DNAH14: variants seen among roughly 807,000 people sequenced by gnomAD.
DNAH14 encodes the protein axonemal beta dynein heavy chain 14.
DNAH14 carries 478 observed loss-of-function variants against 520.9 expected under a neutral mutation model. The ratio of observed to expected loss-of-function variants is 0.92; its 90% confidence interval spans 0.85 to 0.99. The LOEUF (loss-of-function observed/expected upper bound fraction) is 0.99, where lower values mean the gene tolerates loss of function less well. DNAH14 is among the 50% of genes least tolerant of loss of function. The probability of loss-of-function intolerance (pLI) is 0.00; values close to 1 mark genes in which losing one functional copy is unlikely to be tolerated. For synonymous variants in DNAH14, 1,581 were observed against 1,757.2 expected, an observed-to-expected ratio of 0.90 and a Z score of 2.51; for missense variants, 4,831 against 5,234.5, an observed-to-expected ratio of 0.92 and a Z score of 2.38.
intron 11 of DNAH14, among the ~76,000 whole-genome samples, chr1:225,029,581 G>C (rs1177042755): frequency 6.6e-6 from 1 of 151,950 alleles, no homozygotes; most frequent in Non-Finnish European, 1.5e-5. Context: ...GGAAGGGAGA[G>C]ATATTAATCT....
At chr1:225,053,659 C>T (rs1328858604) in intron 17 of DNAH14, among the ~76,000 whole-genome samples, 1 of 152,030 alleles carries the variant, frequency 6.6e-6, no homozygotes, top group African/African-American at 2.4e-5. Context: ...CATGAATCAA[C>T]AGGATATGGC....
chr1:225,024,052 A>G (rs1171957198), intron 11 of DNAH14, 187 bp downstream of exon 11: 3 of 1,243,028 alleles, frequency 2.4e-6, no homozygotes, highest in East Asian at 3.2e-5. Flanking sequence ...TATCGGTGCT[A>G]TAGGATGCGC....
At chr1:225,021,321 G>C (rs2501116) in intron 10 of DNAH14, among the ~76,000 whole-genome samples, 1 of 152,200 alleles carries the variant, frequency 6.6e-6, no homozygotes, top group Non-Finnish European at 1.5e-5. Context: ...AGAGAGAGAA[G>C]CATAAGGCAT....
intron 28 of DNAH14, 136 bp from the exon 29 acceptor site, chr1:225,144,261 T>C: frequency 1.5e-6 from 1 of 684,828 alleles, no homozygotes; most frequent in Non-Finnish European, 2.4e-6. Flanking sequence ...ACACTTCTCA[T>C]TTGATTTTAA....
chr1:225,263,652 G>C (rs535751566), intron 46 of DNAH14, among the ~76,000 whole-genome samples: 2 of 151,604 alleles, frequency 1.3e-5, no homozygotes, highest in Non-Finnish European at 2.9e-5. Flanking sequence ...ACTTAAATAA[G>C]GCCTTAAACA....
chr1:224,951,302 A>G (rs2060155611), intron 1 of DNAH14, among the ~76,000 whole-genome samples: 1 of 152,226 alleles, frequency 6.6e-6, no homozygotes, highest in Non-Finnish European at 1.5e-5. Flanking sequence ...CTGGGATTAC[A>G]GACGTGAGCT....
intron 27 of DNAH14, among the ~76,000 whole-genome samples, chr1:225,131,135 T>C (rs967960423): frequency 2.6e-5 from 4 of 152,184 alleles, no homozygotes; most frequent in African/African-American, 7.2e-5. Flanking sequence ...TTGAAAATCT[T>C]TATAATTTTG....
chr1:225,007,612 G>A, intron 10 of DNAH14, 68 bp downstream of exon 10: 1 of 1,290,044 alleles, frequency 7.8e-7, no homozygotes, highest in Non-Finnish European at 1.0e-6. Flanking sequence ...GATCCAAATT[G>A]CATCCCTGGA....
Position 225,399,215 on chromosome 1 carries a change from T to C in DNAH14, c.13800T>C (p.Pro4600=). The C allele has an allele frequency of 6.4e-7, 1 of 1,551,718 alleles. No individual in the cohort carries two copies. The highest frequency in any genetic ancestry group is 2.4e-5 in the East Asian group (1 of 40,918). The change falls in exon 86 of 86, where the codon CCT becomes CCC. Residue 4600 remains proline (P), a synonymous_variant. Transcript: ENST00000682510. ...TSVYLSTKKP[P]SHWITMRVAL... ...TGTATTTATCAACGAAGAAACCTCC[T>C]AGTCACTGGATCACAATGCGGGTTG... is the stretch of plus-strand genomic sequence containing the variant.
Position 225,148,396 on chromosome 1 carries a change from C to CTTT in DNAH14, c.4940+1168_4940+1170dup, listed in dbSNP as rs560233312. Reference sequence around the variant, plus strand: ...TTCTCTAATGATCAGTAATGTTGAGCTTTTTTTTTTTTTTTTTTTTTTTGA... The same window carrying CTTT: ...TTCTCTAATGATCAGTAATGTTGAGCTTTTTTTTTTTTTTTTTTTTTTTTTTGA... On this transcript the variant is annotated intron_variant, in intron 31 of 85. Transcript: ENST00000682510. 1.4e-3 allele frequency among the ~76,000 whole-genome samples: 134 copies of CTTT among 96,620 alleles called. 1 individual carries two copies. The highest frequency in any genetic ancestry group is 1.9e-3 in the Non-Finnish European group (100 of 53,568). 63.4% of individuals were successfully genotyped at this position (96,620 alleles called of 152,430 possible).
intron 42 of DNAH14, 70 bp downstream of exon 42, chr1:225,231,221 A>T (rs930402020): frequency 3.3e-5 from 32 of 969,948 alleles, no homozygotes; most frequent in African/African-American, 6.8e-5. Flanking sequence ...TATGCACAGG[A>T]TTACTTCTCA....
At chr1:225,141,618 A>G (rs1489382517) in intron 28 of DNAH14, among the ~76,000 whole-genome samples, 2 of 151,904 alleles carry the variant, frequency 1.3e-5, no homozygotes, top group Non-Finnish European at 2.9e-5. Flanking sequence ...TCCTGACCTG[A>G]TTAGGCCCTT....
chr1:225,322,545 A>C (rs1190056281), intron 61 of DNAH14, 119 bp from the exon 62 acceptor site: 2 of 1,002,232 alleles, frequency 2.0e-6, no homozygotes, highest in Non-Finnish European at 1.4e-6. Flanking sequence ...TATGTTGACA[A>C]ATAGTTTTCC....
chr1:225,082,184 G>GTGTGTGTGTGTC lies in DNAH14; in HGVS notation c.3137-354_3137-353insCTGTGTGTGTGT, dbSNP rs2073211588. Among the ~76,000 whole-genome samples the GTGTGTGTGTGTC allele has an allele frequency of 2.0e-5, 3 of 151,752 alleles. No homozygotes were observed. The South Asian group carries it at 6.3e-4, about 32-fold the overall frequency. On this transcript the variant is annotated intron_variant, in intron 19 of 85. Transcript: ENST00000682510. ...CTGAATGTTTGTGGTGTGTGTGTGTGTGTGTGTGTGTGTGCACATGCGCAT... is the reference window on the plus strand; with the variant it reads ...CTGAATGTTTGTGGTGTGTGTGTGTGTGTGTGTGTGTCTGTGTGTGTGTGTGCACATGCGCAT...
intron 41 of DNAH14, 125 bp downstream of exon 41, chr1:225,207,345 AGCAGATAT>A: frequency 1.1e-6 from 1 of 942,716 alleles, no homozygotes. Context: ...TTGGACCAAC[AGCAGATAT>A]GCACATGGAA....
chr1:225,162,317 T>C (rs571087872), intron 35 of DNAH14, among the ~76,000 whole-genome samples: 38 of 152,316 alleles, frequency 2.5e-4, no homozygotes, highest in Non-Finnish European at 4.0e-4. Context: ...TATTTGTTTC[T>C]GGGTTTTCTG....
At chr1:225,259,374 AGAG>A in intron 46 of DNAH14, 121 bp downstream of exon 46, 1 of 694,762 alleles carries the variant, frequency 1.4e-6, no homozygotes, top group Non-Finnish European at 2.1e-6. Context: ...ATCATTCAAA[AGAG>A]GAGATAAGAA....
rs1049452214 is a variant in DNAH14, at chr1:225,140,807, G to T, written c.4294G>T (p.Val1432Leu). The change falls in exon 28 of 86, where the codon GTG becomes TTG. Residue 1432 changes from valine (V) to leucine (L), a missense_variant. Coordinates refer to ENST00000682510, the MANE Select transcript of DNAH14 (RefSeq NM_001367479.1). ...MFYNDCVKSFVSSYSREKLEK... is the reference protein window; with the variant it reads ...MFYNDCVKSFLSSYSREKLEK... ...TTATAATGATTGTGTTAAAAGTTTT[G>T]TGAGTTCTTATTCAAGAGAAAAATT... The T allele has an allele frequency of 1.3e-6, 2 of 1,550,034 alleles. No individual in the cohort carries two copies. Among genetic ancestry groups the T allele is most frequent in the African/African-American group, 1.4e-5 (1 of 72,968 alleles).
At chr1:225,083,346 A>G (rs1218315532) in intron 20 of DNAH14, among the ~76,000 whole-genome samples, 1 of 152,150 alleles carries the variant, frequency 6.6e-6, no homozygotes, top group African/African-American at 2.4e-5. Flanking sequence ...ATTCTCTGCT[A>G]AATGATCTGT....
Sources: allele counts gnomAD v4.1 joint callset (sites outside exome capture counted in the v4.1 genomes callset), GRCh38; gene constraint gnomAD v4.1.1; transcripts MANE v1.5; gene names NCBI Gene and HGNC (gene_info 2026-07-23, HGNC 2026-07-21).